The following F5 variants were observed in gnomAD, a reference collection of about 807,000 sequenced individuals.
The protein encoded by F5 is activated protein c cofactor.
In F5, 138 loss-of-function variants were observed where a neutral mutation model predicts 216.4. The ratio of observed to expected loss-of-function variants is 0.64; its 90% CI spans 0.56 to 0.73. The LOEUF (loss-of-function observed/expected upper bound fraction) is 0.73, where lower values mean the gene tolerates loss of function less well. Among genes scored for constraint, F5 ranks in the 30% least tolerant of loss-of-function variants. The pLI, the probability that F5 is intolerant of heterozygous loss-of-function variation, is 0.00. For missense variants in F5, 2,403 were observed against 2,674.0 expected (o/e 0.90, Z 2.24); for synonymous variants, 916 against 930.7 (o/e 0.98, Z 0.29).
In F5 at chr1:169,559,291, G is replaced by C. The variant is rs747833423; in HGVS notation, c.592C>G (p.Leu198Val). Residue 198 changes from leucine to valine, a missense_variant, in exon 5 of 25, where the codon CTA (leucine) becomes GTA (valine). Physicochemically the swap from Leu to Val is conservative, Grantham distance 32 (BLOSUM62 1). This residue lies in a region of F5 where 1,425 missense variants were observed against 1,554.8 expected (regional missense o/e 0.92). Transcript: ENST00000367797. ...GPLLICKKGT[L>V]TEGGTQKTFD... ...GTCTTCTGTGTCCCACCCTCAGTTA[G>C]GGTCCCTATGAAAGGAAAGACATGT... is the stretch of plus-strand genomic sequence containing the variant. 2 of 1,613,568 alleles carry C rather than the reference G, an allele frequency of 1.2e-6. No individual in the cohort carries two copies. Among genetic ancestry groups the C allele is most frequent in the Non-Finnish European group, 1.7e-6 (2 of 1,179,680 alleles).
intron 4 of F5, among the ~76,000 whole-genome samples, chr1:169,560,089 C>T (rs530373225): frequency 6.6e-6 from 1 of 152,194 alleles, no homozygotes; most frequent in Non-Finnish European, 1.5e-5. Context: ...ACCTACCACC[C>T]AAAGTTTTCA....
rs1419555532 is a variant in F5, at chr1:169,540,658, A to G, written c.4432T>C (p.Phe1478Leu). 1 of 1,613,910 alleles carries G rather than the reference A, an allele frequency of 6.2e-7. No homozygotes were observed. Among genetic ancestry groups the G allele is most frequent in the Non-Finnish European group, 8.5e-7 (1 of 1,179,962 alleles). ...ESSQSLLLQE[F>L]NESFPYPDLG... Reference sequence around the variant, plus strand: ...TCTGGATAAGGAAAAGACTCATTAAATTCTTGAAGAAGCAATGACTGACTA... The same window carrying G: ...TCTGGATAAGGAAAAGACTCATTAAGTTCTTGAAGAAGCAATGACTGACTA... Residue 1478 changes from phenylalanine (F) to leucine (L), a missense_variant, in exon 13 of 25, where the codon TTT becomes CTT. This residue lies in a region of F5 where 293 missense variants were observed against 270.8 expected (regional missense o/e 1.08). Transcript: ENST00000367797.
Position 169,529,680 on chromosome 1 carries a change from A to C in F5, c.5347T>G (p.Tyr1783Asp). Residue 1783 changes from tyrosine (Y) to aspartate (D), a missense_variant, in exon 16 of 25, where the codon TAC (tyrosine) becomes GAC (aspartate). Coordinates refer to ENST00000367797, the MANE Select transcript of F5 (RefSeq NM_000130.5). ...FMTFDEKKSW[Y>D]YEKKSRSSWR... ...GAACTTCGGGACTTCTTTTCATAGT[A>C]CCAGCTCTTCTTTTCATCAAAGGTC... 6.2e-7 allele frequency: 1 copy of C among 1,613,846 alleles called. No individual in the cohort carries two copies. Among genetic ancestry groups the C allele is most frequent in the Non-Finnish European group, 8.5e-7 (1 of 1,179,820 alleles).
intron 2 of F5, among the ~76,000 whole-genome samples, chr1:169,573,479 G>T (rs9332516): frequency 0.25 from 37,268 of 152,050 alleles, 5,369 homozygotes; most frequent in South Asian, 0.36. Context: ...AGTGGTTGGA[G>T]TCTGGACATT....
chr1:169,536,757 A>G (rs1217103820), intron 13 of F5, 77 bp from the exon 14 acceptor site: 1 of 1,164,446 alleles, frequency 8.6e-7, no homozygotes, highest in East Asian at 2.4e-5. Context: ...TCTCTTTCTA[A>G]ATATAGCATC....
At chr1:169,563,778 C>G (rs1468745247) in intron 3 of F5, among the ~76,000 whole-genome samples, 1 of 151,800 alleles carries the variant, frequency 6.6e-6, no homozygotes, top group Admixed American at 6.6e-5. Flanking sequence ...CATGCTCATG[C>G]TTTTCTCTGC....
At chr1:169,556,952 G>T in intron 5 of F5, 85 bp from the exon 6 acceptor site, 2 of 1,189,906 alleles carry the variant, frequency 1.7e-6, no homozygotes, top group Non-Finnish European at 2.4e-6. Context: ...AGTGTATTGA[G>T]CACCTGCTGT....
intron 22 of F5, 31 bp downstream of exon 22, chr1:169,520,489 A>C: frequency 1.9e-6 from 3 of 1,613,442 alleles, no homozygotes; most frequent in Non-Finnish European, 2.5e-6. Context: ...TTTGAGTGGC[A>C]GTGAGAAAAT....
In F5 at chr1:169,560,667, C is replaced by T; in HGVS notation, c.473G>A (p.Ser158Asn). Residue 158 changes from serine (S) to asparagine (N), a missense_variant, in exon 4 of 25, where the codon AGT becomes AAT. By Grantham distance (46) the Ser-to-Asn change is conservative. Around this residue, in one of 4 missense-constraint regions of F5, gnomAD observed 1,425 missense variants for 1,554.8 expected, o/e 0.92. Coordinates refer to ENST00000367797, the MANE Select transcript of F5 (RefSeq NM_000130.5). ...YTYEWSISED[S>N]GPTHDDPPCL... is the part of the protein sequence containing the mutation. Reference sequence around the variant, plus strand: ...TGGAGGGTCATCATGGGTGGGTCCACTGTCCTCACTGATACTCCATTCATA... The same window carrying T: ...TGGAGGGTCATCATGGGTGGGTCCATTGTCCTCACTGATACTCCATTCATA... The T allele has an allele frequency of 3.1e-6, 5 of 1,613,828 alleles. No individual in the cohort carries two copies. Among genetic ancestry groups the T allele is most frequent in the Non-Finnish European group, 4.2e-6 (5 of 1,179,818 alleles).
chr1:169,520,010 A>G (rs1226885477), intron 22 of F5, among the ~76,000 whole-genome samples: 1 of 152,238 alleles, frequency 6.6e-6, no homozygotes, highest in Non-Finnish European at 1.5e-5. Context: ...CAGCTAACAT[A>G]GAAAAGACTT....
intron 5 of F5, among the ~76,000 whole-genome samples, chr1:169,557,738 A>G (rs1195075870): frequency 6.6e-6 from 1 of 151,858 alleles, no homozygotes; most frequent in Non-Finnish European, 1.5e-5. Context: ...TTACCCACAC[A>G]AAGGCTTGTT....
intron 2 of F5, among the ~76,000 whole-genome samples, chr1:169,577,591 ATATATATATATATG>A (rs1347893931): frequency 2.8e-4 from 31 of 110,236 alleles, no homozygotes; most frequent in Non-Finnish European, 3.7e-4. Flanking sequence ...ATATATATAT[ATATATATATATATG>A]TATGTATTTT....
chr1:169,551,450 G>T (rs9332586), intron 8 of F5, among the ~76,000 whole-genome samples: 1 of 151,966 alleles, frequency 6.6e-6, no homozygotes. Flanking sequence ...ACCCTTGGTG[G>T]GGGGGAAAAG....
intron 10 of F5, among the ~76,000 whole-genome samples, chr1:169,546,966 TAAAAAAA>T (rs11363133): frequency 7.7e-5 from 10 of 129,922 alleles, no homozygotes; most frequent in Admixed American, 3.1e-4. Flanking sequence ...CCGTCTCTAC[TAAAAAAA>T]AAAAAAAAAA....
intron 24 of F5, 136 bp downstream of exon 24, chr1:169,515,308 G>A (rs909321651): frequency 2.8e-6 from 3 of 1,066,298 alleles, no homozygotes; most frequent in African/African-American, 1.6e-5. Context: ...CTGAGACCAG[G>A]CACCTTAAGA....
intron 1 of F5, among the ~76,000 whole-genome samples, chr1:169,582,992 T>TCCC (rs1661022245): frequency 6.6e-6 from 1 of 152,210 alleles, no homozygotes; most frequent in African/African-American, 2.4e-5. Context: ...AGATGGCTAA[T>TCCC]GGGGTAAAAG....
intron 3 of F5, among the ~76,000 whole-genome samples, chr1:169,562,738 T>C (rs1660510347): frequency 6.6e-6 from 1 of 152,064 alleles, no homozygotes; most frequent in Non-Finnish European, 1.5e-5. Context: ...CAATAATATA[T>C]TTCCATTTCT....
intron 2 of F5, among the ~76,000 whole-genome samples, chr1:169,574,920 T>C (rs1660809398): frequency 6.6e-6 from 1 of 152,020 alleles, no homozygotes; most frequent in Non-Finnish European, 1.5e-5. Flanking sequence ...CGTAAAAGAG[T>C]AAAATAGATA....
In F5 at chr1:169,586,466, C is replaced by A. The variant is rs1661107648; in HGVS notation, c.-80G>T. ...GCCGAGCTGCTAACCACACTCCGGG[C>A]TGTCCCAGCTGCAATGAGCTCTAGA... On this transcript the variant is annotated 5_prime_UTR_variant, in exon 1 of 25. Coordinates refer to ENST00000367797, the MANE Select transcript of F5 (RefSeq NM_000130.5). 7 of 1,543,024 alleles carry A rather than the reference C, an allele frequency of 4.5e-6. No individual in the cohort carries two copies. The highest frequency in any genetic ancestry group is 2.3e-5 in the South Asian group (2 of 85,552).
Sources: allele counts gnomAD v4.1 joint callset (sites outside exome capture counted in the v4.1 genomes callset), GRCh38; gene constraint gnomAD v4.1.1; regional missense constraint gnomAD v4.1.1; transcripts MANE v1.5; gene names NCBI Gene and HGNC (gene_info 2026-07-23, HGNC 2026-07-21).